The following CLSPN variants were observed in gnomAD, a reference collection of about 807,000 sequenced individuals.
CLSPN encodes claspin homolog.
Under a neutral mutation model 156.3 loss-of-function variants are expected in CLSPN, and 85 were observed. That is an observed-to-expected ratio of 0.54 (90% CI 0.46 to 0.65). The LOEUF (loss-of-function observed/expected upper bound fraction) is 0.65. CLSPN is among the 30% of genes least tolerant of loss of function. The pLI is 0.00. For synonymous variants in CLSPN, 534 were observed against 542.4 expected, an observed-to-expected ratio of 0.98 and a Z score of 0.22; for missense variants, 1,407 against 1,554.9, an observed-to-expected ratio of 0.90 and a Z score of 1.60.
rs1379493302 is a variant in CLSPN at position 35,738,039 on chromosome 1, A to C, written c.3617T>G (p.Phe1206Cys). ...TGTAACTTTCTTGGCCAGTATCATAAACTGACTGTCCTCCCCAATTTCTTC... is the reference window on the plus strand; with the variant it reads ...TGTAACTTTCTTGGCCAGTATCATACACTGACTGTCCTCCCCAATTTCTTC... ...EEEEIGEDSQ[F>C]MILAKKVTAK... Residue 1206 changes from phenylalanine to cysteine, a missense_variant, in exon 22 of 25, where the codon TTT becomes TGT. Physicochemically the swap from Phe to Cys is radical, Grantham distance 205. Transcript: ENST00000318121. The C allele has an allele frequency of 6.7e-7, 1 of 1,490,444 alleles. No homozygotes were observed. The highest frequency in any genetic ancestry group is 9.0e-7 in the Non-Finnish European group (1 of 1,110,036). 92.3% of individuals were successfully genotyped at this position (1,490,444 alleles called of 1,614,324 possible).
At position 35,750,892 on chromosome 1, in the gene CLSPN, T is replaced by C. The variant is rs146551319; in HGVS notation, c.2028+358A>G. On this transcript the variant is annotated intron_variant, in intron 10 of 24. Transcript: ENST00000318121. ...TCTAGCCAAGGTTAGGACTGCTTTT[T>C]AATCTGCTAGAGAAACCTAAATAAA... Among the ~76,000 whole-genome samples, 228 of 152,136 alleles carry C rather than the reference T, an allele frequency of 1.5e-3. 1 individual carries two copies. The highest frequency in any genetic ancestry group is 5.3e-3 in the African/African-American group (218 of 41,506).
chr1:35,763,065 G>A (rs1642538382), intron 4 of CLSPN, 95 bp downstream of exon 4: 3 of 1,068,562 alleles, frequency 2.8e-6, no homozygotes, highest in East Asian at 6.0e-5. Context: ...TTTTTCTTCA[G>A]TTAAAAAAAA....
chr1:35,757,389 T>C (rs2148623324), intron 8 of CLSPN, among the ~76,000 whole-genome samples: 1 of 152,352 alleles, frequency 6.6e-6, no homozygotes, highest in Admixed American at 6.5e-5. Flanking sequence ...ATGTATATTA[T>C]GGCTGGTCTG....
intron 24 of CLSPN, among the ~76,000 whole-genome samples, chr1:35,725,524 C>A (rs994540599): frequency 1.3e-5 from 2 of 151,998 alleles, no homozygotes; most frequent in African/African-American, 4.8e-5. Flanking sequence ...CCCTCTCCCC[C>A]ACCCCACCCT....
At chr1:35,741,828 C>G (rs2148615167) in intron 18 of CLSPN, among the ~76,000 whole-genome samples, 1 of 151,806 alleles carries the variant, frequency 6.6e-6, no homozygotes, top group South Asian at 2.1e-4. Context: ...CAAAAATTAG[C>G]TGGGTGTGGT....
chr1:35,720,697 C>T (rs1159549323), exon 25 of CLSPN: 5 of 368,434 alleles, frequency 1.4e-5, no homozygotes, highest in South Asian at 4.3e-5. Flanking sequence ...CCACCCACCT[C>T]GGCCTCCCAA....
intron 8 of CLSPN, among the ~76,000 whole-genome samples, chr1:35,754,254 G>C (rs1642198165): frequency 6.6e-6 from 1 of 152,102 alleles, no homozygotes. Flanking sequence ...GTATTAAACT[G>C]GTAGGAAAAA....
At chr1:35,723,403 G>T (rs943159553) in intron 24 of CLSPN, among the ~76,000 whole-genome samples, 1 of 152,224 alleles carries the variant, frequency 6.6e-6, no homozygotes, top group Non-Finnish European at 1.5e-5. Flanking sequence ...CCAGGTCCCA[G>T]GGCCTGGGGT....
At chr1:35,758,990 T>C (rs191886867) in intron 8 of CLSPN, among the ~76,000 whole-genome samples, 1 of 152,258 alleles carries the variant, frequency 6.6e-6, no homozygotes, top group East Asian at 1.9e-4. Flanking sequence ...TATACAATGT[T>C]AAACAATTAC....
At position 35,750,000 on chromosome 1, in the gene CLSPN, A is replaced by ATT. The variant is rs66909447; in HGVS notation, c.2029-191_2029-190dup. Among the ~76,000 whole-genome samples the ATT allele has an allele frequency of 7.4e-4, 110 of 147,768 alleles. 1 individual carries two copies. The highest frequency in any genetic ancestry group is 3.5e-3 in the Middle Eastern group (1 of 286). ...CCTGACACTTCTAGAACTTTTTTCT[A>ATT]TTTTTTTTTTTTACCTTCTACCCTC... On this transcript the variant is annotated intron_variant, in intron 10 of 24. Transcript: ENST00000318121.
At position 35,748,025 on chromosome 1, in the gene CLSPN, C is replaced by G; in HGVS notation, c.2509G>C (p.Glu837Gln). The change falls in exon 14 of 25, where the codon GAG becomes CAG. Residue 837 changes from glutamate to glutamine, a missense_variant. By Grantham distance (29) the Glu-to-Gln change is conservative (BLOSUM62 2). This residue lies in a region of CLSPN where 1,096 missense variants were observed against 1,193.0 expected (regional missense o/e 0.92). Transcript: ENST00000318121. ...GCGTTATACAGATCCTGGGAATCCTCTATGGGAAGTGAAGGCTCAGACAGT... is the reference window on the plus strand; with the variant it reads ...GCGTTATACAGATCCTGGGAATCCTGTATGGGAAGTGAAGGCTCAGACAGT... ...GKLSEPSLPI[E>Q]DSQDLYNASP... 6.2e-7 allele frequency: 1 copy of G among 1,614,006 alleles called. No homozygotes were observed. The highest frequency in any genetic ancestry group is 8.5e-7 in the Non-Finnish European group (1 of 1,179,980).
intron 8 of CLSPN, among the ~76,000 whole-genome samples, chr1:35,759,077 C>T (rs1642388066): frequency 6.6e-6 from 1 of 152,202 alleles, no homozygotes; most frequent in African/African-American, 2.4e-5. Context: ...TGCCTCAAGG[C>T]AGAGTGGGGA....
In CLSPN at chr1:35,732,924, G is replaced by T. The variant is rs1297568026; in HGVS notation, c.*3572C>A. The T allele has an allele frequency of 2.0e-6, 2 of 985,224 alleles. No individual in the cohort carries two copies. The highest frequency in any genetic ancestry group is 2.4e-6 in the Non-Finnish European group (2 of 829,936). 61.0% of individuals were successfully genotyped at this position (985,224 alleles called of 1,614,324 possible). A position where few individuals can be genotyped will look rare whatever the true frequency, so the allele number is the denominator to read the frequency against. On this transcript the variant is annotated 3_prime_UTR_variant, in exon 25 of 25. Coordinates refer to ENST00000318121, the MANE Select transcript of CLSPN (RefSeq NM_022111.4). ...TTGACTCAAGTTTTCTTTCTCCAAA[G>T]AGTGCTTTCTCCCAGGAGCCTCAAT...
At chr1:35,731,910 AAT>A (rs890178018), downstream of CLSPN, among the ~76,000 whole-genome samples, 9 of 152,338 alleles carry the variant, frequency 5.9e-5, no homozygotes, top group African/African-American at 2.2e-4. Context: ...AGTGGCCTAC[AAT>A]ATATGATATA....
At chr1:35,763,360 T>C in intron 3 of CLSPN, 39 bp from the exon 4 acceptor site, 3 of 1,466,568 alleles carry the variant, frequency 2.0e-6, no homozygotes, top group Non-Finnish European at 2.7e-6. Context: ...TCCAATCATT[T>C]AAAAATCCAG....
At position 35,760,812 on chromosome 1, in the gene CLSPN, C is replaced by A; in HGVS notation, c.1109G>T (p.Gly370Val). ...ATTAGTTTCCACTTCATTTTCTGCA[C>A]CTGTTGTCTGCTCAGAACCTTTACT... Reference protein sequence around the residue: ...HHSKGSEQTTGAENEVETNAL... With the variant: ...HHSKGSEQTTVAENEVETNAL... The change falls in exon 8 of 25, where the codon GGT becomes GTT. Residue 370 changes from glycine (G) to valine (V), a missense_variant. Gly to Val is a moderately radical substitution (Grantham distance 109). Around this residue, in one of 3 missense-constraint regions of CLSPN, gnomAD observed 1,096 missense variants for 1,193.0 expected, o/e 0.92. Coordinates refer to ENST00000318121, the MANE Select transcript of CLSPN (RefSeq NM_022111.4). 1 of 1,613,770 alleles carries A rather than the reference C, an allele frequency of 6.2e-7. No homozygotes were observed. The highest frequency in any genetic ancestry group is 1.1e-5 in the South Asian group (1 of 91,082).
At chr1:35,756,764 T>C (rs1642285524) in intron 8 of CLSPN, among the ~76,000 whole-genome samples, 2 of 152,234 alleles carry the variant, frequency 1.3e-5, no homozygotes, top group African/African-American at 4.8e-5. Context: ...CATGGAAACC[T>C]TATTCTATAT....
chr1:35,749,819 A>C lies in CLSPN; in HGVS notation c.2029-8T>G. On this transcript the variant is annotated splice_region_variant and splice_polypyrimidine_tract_variant and intron_variant, in intron 10 of 24. Transcript: ENST00000318121. ...AAGAAGGAATTCTGCAGTCTTTACC[A>C]ATCAGGCCACCACAAAACAAAAAAT... 6.2e-7 allele frequency: 1 copy of C among 1,611,844 alleles called. No individual in the cohort carries two copies. The highest frequency in any genetic ancestry group is 8.5e-7 in the Non-Finnish European group (1 of 1,179,084).
Position 35,736,578 on chromosome 1 carries a change from G to A in CLSPN, c.3938C>T (p.Thr1313Ile). The A allele has an allele frequency of 1.2e-6, 2 of 1,612,464 alleles. No homozygotes were observed. Among genetic ancestry groups the A allele is most frequent in the Non-Finnish European group, 1.7e-6 (2 of 1,179,434 alleles). Residue 1313 changes from threonine (T) to isoleucine (I), a missense_variant, in exon 25 of 25, where the codon ACT becomes ATT. Around this residue, in one of 3 missense-constraint regions of CLSPN, gnomAD observed 241 missense variants for 240.5 expected, o/e 1.00. Coordinates refer to ENST00000318121, the MANE Select transcript of CLSPN (RefSeq NM_022111.4). ...QVKKRGPSFM[T>I]SPSPKHLKTD... ...TTTGAGGTGCTTAGGTGAAGGAGAA[G>A]TCATGAAAGATGGACCCCTTTTCTT... is the stretch of plus-strand genomic sequence containing the variant.
Sources: gnomAD v4.1 joint callset for allele counts (sites outside exome capture counted in the v4.1 genomes callset) on GRCh38, gnomAD v4.1.1 for gene constraint, gnomAD v4.1.1 regional missense constraint, MANE v1.5 for transcripts, NCBI Gene and HGNC (gene_info 2026-07-23, HGNC 2026-07-21) for gene names.